Variants in SUN1 observed in about 807,000 individuals in gnomAD.
SUN1 encodes the protein SUN domain-containing protein 1.
Under a neutral mutation model 103.2 loss-of-function variants are expected in SUN1, and 61 were observed. The ratio of observed to expected loss-of-function variants is 0.59; its 90% confidence interval spans 0.48 to 0.73. The LOEUF is 0.73. Ranked by LOEUF, SUN1 falls within the 30% of genes least tolerant of loss-of-function variation. The pLI, the probability that SUN1 is intolerant of heterozygous loss-of-function variation, is 0.00. For synonymous variants in SUN1, 490 were observed against 425.7 expected, an observed-to-expected ratio of 1.15 and a Z score of -1.86; for missense variants, 1,052 against 1,034.6, an observed-to-expected ratio of 1.02 and a Z score of -0.23.
upstream of SUN1, among the ~76,000 whole-genome samples, chr7:827,942 C>G (rs147667473): frequency 2.9e-3 from 435 of 152,240 alleles, 5 homozygotes; most frequent in African/African-American, 9.8e-3. Flanking sequence ...CAGAGTCTCA[C>G]TCTGTCACAG....
At chr7:818,385 A>G (rs181595129) in intron 1 of SUN1, among the ~76,000 whole-genome samples, 2 of 152,134 alleles carry the variant, frequency 1.3e-5, no homozygotes, top group African/African-American at 2.4e-5. Context: ...CCTTTTTATG[A>G]CTGAATAATT....
rs1158461107 is a variant in SUN1, at chr7:874,255, TCAG to T, written c.*930_*932del. ...ACATTTCAGGACGATCCTTTTTCCTTCAGCAGCATTTCTTACTGGCTGTGGCTG... is the reference window on the plus strand; with the variant it reads ...ACATTTCAGGACGATCCTTTTTCCTTCAGCATTTCTTACTGGCTGTGGCTG... On this transcript the variant is annotated 3_prime_UTR_variant, in exon 19 of 19. Coordinates refer to ENST00000401592, the MANE Select transcript of SUN1 (RefSeq NM_001130965.3). The T allele has an allele frequency of 6.6e-6, 1 of 152,602 alleles. No homozygotes were observed. Among genetic ancestry groups the T allele is most frequent in the Non-Finnish European group, 1.5e-5 (1 of 68,044 alleles). 9.5% of individuals were successfully genotyped at this position (152,602 alleles called of 1,614,324 possible). A position where few individuals can be genotyped will look rare whatever the true frequency, so the allele number is the denominator to read the frequency against.
chr7:860,110 C>G lies in SUN1; in HGVS notation c.1525-18C>G, dbSNP rs768301493. 1 of 1,611,584 alleles carries G rather than the reference C, an allele frequency of 6.2e-7. No individual in the cohort carries two copies. Among genetic ancestry groups the G allele is most frequent in the Admixed American group, 1.7e-5 (1 of 59,960 alleles). On this transcript the variant is annotated intron_variant, in intron 13 of 18. Coordinates refer to ENST00000401592, the MANE Select transcript of SUN1 (RefSeq NM_001130965.3). ...TTAGTTAAAATAGGACATTTGTGTC[C>G]GTCTGCTGTTTTACTAGGTGGACGT...
rs377390190 is a variant in SUN1, at chr7:866,249, G to A, written c.1980+182G>A. Among the ~76,000 whole-genome samples, 21 of 152,290 alleles carry A rather than the reference G, an allele frequency of 1.4e-4. 1 individual carries two copies. In the East Asian group the frequency reaches 3.9e-3, roughly 28 times the overall value. On this transcript the variant is annotated intron_variant, in intron 16 of 18. Coordinates refer to ENST00000401592, the MANE Select transcript of SUN1 (RefSeq NM_001130965.3). ...CCCGGTGTCCCCGTGTAGCCTCCAC[G>A]CTACACATCTGTTGGCTTGGGTTTA...
At position 874,580 on chromosome 7, in the gene SUN1, A is replaced by T. The variant is rs1434170962; in HGVS notation, c.*1249A>T. 2 of 152,494 alleles carry T rather than the reference A, an allele frequency of 1.3e-5. No homozygotes were observed. The highest frequency in any genetic ancestry group is 4.8e-5 in the African/African-American group (2 of 41,422). The allele number at this position is 152,494 out of a possible 1,614,324, so 9.4% of individuals were successfully genotyped here. Reference sequence around the variant, plus strand: ...GTCCTCAAATACACTGATGTATGAAACTATTCATACATCAAGCAGCATTTT... The same window carrying T: ...GTCCTCAAATACACTGATGTATGAATCTATTCATACATCAAGCAGCATTTT... On this transcript the variant is annotated 3_prime_UTR_variant, in exon 19 of 19. Transcript: ENST00000401592.
intron 5 of SUN1, chr7:849,502 C>G: frequency 7.3e-7 from 1 of 1,360,620 alleles, no homozygotes; most frequent in African/African-American, 1.5e-5. Context: ...CCCTAAGCCT[C>G]TTTTGCGTGT....
chr7:820,394 G>A (rs76503073), intron 1 of SUN1, among the ~76,000 whole-genome samples: 1,990 of 152,302 alleles, frequency 0.013, 21 homozygotes, highest in Admixed American at 0.021. Flanking sequence ...CTAGTGTGTA[G>A]AAATGCAACT....
At chr7:822,043 C>T (rs1022907950) in intron 1 of SUN1, among the ~76,000 whole-genome samples, 1 of 152,160 alleles carries the variant, frequency 6.6e-6, no homozygotes, top group Non-Finnish European at 1.5e-5. Context: ...TTTTGGACTG[C>T]TCACCCACTT....
At chr7:820,439 T>G (rs999651513) in intron 1 of SUN1, among the ~76,000 whole-genome samples, 14 of 152,244 alleles carry the variant, frequency 9.2e-5, no homozygotes, top group African/African-American at 3.1e-4. Context: ...GAAACTTTGC[T>G]GAGTTTGCTT....
Position 874,133 on chromosome 7 carries a change from G to C in SUN1, c.*802G>C, listed in dbSNP as rs541012493. 2 of 152,318 alleles carry C rather than the reference G, an allele frequency of 1.3e-5. No homozygotes were observed. The highest frequency in any genetic ancestry group is 6.5e-5 in the Admixed American group (1 of 15,290). 9.4% of individuals were successfully genotyped at this position (152,318 alleles called of 1,614,324 possible). A position where few individuals can be genotyped will look rare whatever the true frequency, so the allele number is the denominator to read the frequency against. On this transcript the variant is annotated 3_prime_UTR_variant, in exon 19 of 19. Coordinates refer to ENST00000401592, the MANE Select transcript of SUN1 (RefSeq NM_001130965.3). ...CTTGGGTGTTTTCAGGGCTTGTTTT[G>C]AGTTTTGCTGAATAGGGAGCGCAAG...
rs193280738 is a variant in SUN1, at chr7:844,404, G to A, written c.658+884G>A. On this transcript the variant is annotated intron_variant, in intron 5 of 18. Transcript: ENST00000401592. ...GGGCCAGGTCTGTCTTATCCACTCC[G>A]AGCCTGGCATTGCCCGGGACGTGGG... Among the ~76,000 whole-genome samples the A allele has an allele frequency of 6.0e-4, 92 of 152,324 alleles. 1 individual carries two copies. In the South Asian group the frequency reaches 0.017, roughly 28 times the overall value.
At chr7:858,570 G>A (rs1562760695) in intron 13 of SUN1, among the ~76,000 whole-genome samples, 1 of 152,134 alleles carries the variant, frequency 6.6e-6, no homozygotes, top group Non-Finnish European at 1.5e-5. Flanking sequence ...CTTGGGGCTG[G>A]GTTGTTGCTG....
intron 2 of SUN1, 82 bp from the exon 3 acceptor site, chr7:841,864 T>C: frequency 4.2e-6 from 6 of 1,439,144 alleles, no homozygotes; most frequent in Non-Finnish European, 5.7e-6. Context: ...ATTCCCAGAT[T>C]AAGAGTTTGT....
chr7:817,187 T>G (rs554918788), intron 1 of SUN1: 1 of 547,332 alleles, frequency 1.8e-6, no homozygotes. Flanking sequence ...CTCGACCTCC[T>G]GAGCGCGAGC....
At chr7:845,580 C>T (rs1215593896) in intron 5 of SUN1, among the ~76,000 whole-genome samples, 1 of 151,840 alleles carries the variant, frequency 6.6e-6, no homozygotes, top group East Asian at 1.9e-4. Context: ...CCTCTGCATA[C>T]TTATAGTCAG....
In SUN1 at chr7:838,906, A is replaced by G; in HGVS notation, c.186A>G (p.Ala62=). Reference sequence around the variant, plus strand: ...GTAGTTTGCGCCTGGCCACGACAGCATGCACCCTGGGGGATGGTGAGGCTG... The same window carrying G: ...GTAGTTTGCGCCTGGCCACGACAGCGTGCACCCTGGGGGATGGTGAGGCTG... The part of the protein sequence containing the change: ...SRRSLRLATT[A]CTLGDGEAVG... The change falls in exon 2 of 19, where the codon GCA becomes GCG. Residue 62 remains alanine (A), a synonymous_variant. Coordinates refer to ENST00000401592, the MANE Select transcript of SUN1 (RefSeq NM_001130965.3). 1 of 1,611,562 alleles carries G rather than the reference A, an allele frequency of 6.2e-7. No individual in the cohort carries two copies. Among genetic ancestry groups the G allele is most frequent in the Admixed American group, 1.7e-5 (1 of 59,600 alleles).
intron 15 of SUN1, among the ~76,000 whole-genome samples, chr7:864,967 T>C (rs936731631): frequency 4.6e-5 from 7 of 151,780 alleles, no homozygotes; most frequent in Non-Finnish European, 7.4e-5. Context: ...CCATCCCCAC[T>C]TTCCCTGAGC....
chr7:860,279 T>C lies in SUN1; in HGVS notation c.1676T>C (p.Leu559Pro), dbSNP rs370324367. 1.5e-5 allele frequency: 25 copies of C among 1,614,234 alleles called. No homozygotes were observed. The African/African-American group carries it at 3.2e-4, about 21-fold the overall frequency. The change falls in exon 14 of 19, where the codon CTG becomes CCG. Residue 559 changes from leucine to proline, a missense_variant. Leu to Pro is a moderately conservative substitution (Grantham distance 98). Around this residue, in one of 2 missense-constraint regions of SUN1, gnomAD observed 846 missense variants for 774.5 expected, o/e 1.09. Coordinates refer to ENST00000401592, the MANE Select transcript of SUN1 (RefSeq NM_001130965.3). ...TMLRDLQLQI[L>P]RNVTHHVSVT... is the part of the protein sequence containing the mutation. ...CTGCGAGACCTGCAGCTGCAGATCCTGCGGAACGTCACCCACCACGTTTCC... is the reference window on the plus strand; with the variant it reads ...CTGCGAGACCTGCAGCTGCAGATCCCGCGGAACGTCACCCACCACGTTTCC...
At chr7:843,779 G>A (rs766885922) in intron 5 of SUN1, 105 of 1,424,014 alleles carry the variant, frequency 7.4e-5, no homozygotes, top group African/African-American at 1.2e-4. Context: ...AAATTTCTAC[G>A]TAAGCGAAAC....
Sources: gnomAD v4.1 joint callset for allele counts (sites outside exome capture counted in the v4.1 genomes callset) on GRCh38, gnomAD v4.1.1 for gene constraint, gnomAD v4.1.1 regional missense constraint, MANE v1.5 for transcripts, NCBI Gene and HGNC (gene_info 2026-07-23, HGNC 2026-07-21) for gene names.